MTMR7: variants seen among roughly 807,000 people sequenced by gnomAD.
The protein encoded by MTMR7 is phosphatidylinositol-3-phosphate phosphatase MTMR7.
In MTMR7, 76 loss-of-function variants were observed where a neutral mutation model predicts 81.2. The observed-to-expected ratio is 0.94, with a 90% CI of 0.78 to 1.13. MTMR7 has a LOEUF of 1.13. MTMR7 is among the 50% of genes most tolerant of loss of function. The probability of loss-of-function intolerance (pLI) is 0.00; values close to 1 mark genes in which losing one functional copy is unlikely to be tolerated. For missense variants in MTMR7, 1,044 were observed against 820.0 expected, an observed-to-expected ratio of 1.27 and a Z score of -3.34; for synonymous variants, 372 against 289.8, an observed-to-expected ratio of 1.28 and a Z score of -2.88.
chr8:17,354,903 G>T (rs772486014), intron 4 of MTMR7, among the ~76,000 whole-genome samples: 5 of 152,130 alleles, frequency 3.3e-5, no homozygotes, highest in Non-Finnish European at 7.4e-5. Flanking sequence ...TGCAAAATCA[G>T]AAAATCCCCT....
At chr8:17,370,153 T>G (rs1258478817) in intron 3 of MTMR7, among the ~76,000 whole-genome samples, 2 of 150,406 alleles carry the variant, frequency 1.3e-5, no homozygotes, top group African/African-American at 4.9e-5. Context: ...TCCAGGAGAA[T>G]CAGCAGATCC....
intron 6 of MTMR7, among the ~76,000 whole-genome samples, chr8:17,337,345 C>T (rs558184546): frequency 1.6e-3 from 205 of 124,430 alleles, no homozygotes; most frequent in Non-Finnish European, 2.4e-3. Context: ...AGCCTGGGGG[C>T]GAGTAAAACT....
intron 7 of MTMR7, among the ~76,000 whole-genome samples, chr8:17,314,325 G>T (rs1422099879): frequency 6.6e-6 from 1 of 152,044 alleles, no homozygotes; most frequent in Non-Finnish European, 1.5e-5. Context: ...CACACATAGG[G>T]AAAAGGGAGC....
chr8:17,399,120 T>C (rs546708720), intron 1 of MTMR7, among the ~76,000 whole-genome samples: 9 of 151,142 alleles, frequency 6.0e-5, no homozygotes, highest in Admixed American at 3.3e-4. Flanking sequence ...GTACTAGAAG[T>C]CCAAGCTAGA....
chr8:17,384,853 T>C (rs561524996), intron 1 of MTMR7, among the ~76,000 whole-genome samples: 6 of 152,232 alleles, frequency 3.9e-5, no homozygotes, highest in Admixed American at 2.0e-4. Context: ...TAAAAAACCA[T>C]TGAAAGTCTT....
chr8:17,346,884 TAAAAAAAAAAAA>T lies in MTMR7; in HGVS notation c.597+2057_597+2068del, dbSNP rs55910829. On this transcript the variant is annotated intron_variant, in intron 5 of 13. Coordinates refer to ENST00000180173, the MANE Select transcript of MTMR7 (RefSeq NM_004686.5). The stretch of plus-strand genomic sequence containing the variant: ...CCTATCTCTATTTATCCTATCTTAA[TAAAAAAAAAAAA>T]AAAAAAAAAAAAAAGAGGCAAGGGG... Among the ~76,000 whole-genome samples, 2 of 65,040 alleles carry T rather than the reference TAAAAAAAAAAAA, an allele frequency of 3.1e-5. 1 individual carries two copies. The highest frequency in any genetic ancestry group is 1.1e-4 in the African/African-American group (2 of 18,122). 42.7% of individuals were successfully genotyped at this position (65,040 alleles called of 152,430 possible).
At chr8:17,342,085 A>C (rs1401434744) in intron 5 of MTMR7, among the ~76,000 whole-genome samples, 1 of 152,168 alleles carries the variant, frequency 6.6e-6, no homozygotes, top group Non-Finnish European at 1.5e-5. Flanking sequence ...ACTTAGAACA[A>C]GGGGGATTTT....
At chr8:17,400,821 C>CT (rs906239226) in intron 1 of MTMR7, among the ~76,000 whole-genome samples, 5 of 152,096 alleles carry the variant, frequency 3.3e-5, no homozygotes, top group African/African-American at 4.8e-5. Flanking sequence ...GGCAGTATTT[C>CT]TTTTTTAAGT....
intron 1 of MTMR7, among the ~76,000 whole-genome samples, chr8:17,400,259 A>T (rs1330442920): frequency 6.6e-6 from 1 of 152,212 alleles, no homozygotes; most frequent in Non-Finnish European, 1.5e-5. Context: ...CTAGATTCAC[A>T]TTTATTAAGA....
Position 17,326,097 on chromosome 8 carries a change from C to A in MTMR7, c.865+5053G>T, listed in dbSNP as rs191391300. Reference sequence around the variant, plus strand: ...GTTTACGCAGAGACTCAATCAAGAACCCAAACCTAGGACTTCACACACTGA... The same window carrying A: ...GTTTACGCAGAGACTCAATCAAGAAACCAAACCTAGGACTTCACACACTGA... On this transcript the variant is annotated intron_variant, in intron 7 of 13. Transcript: ENST00000180173. Among the ~76,000 whole-genome samples, 98 of 152,252 alleles carry A rather than the reference C, an allele frequency of 6.4e-4. 1 individual carries two copies. Among genetic ancestry groups the A allele is most frequent in the Admixed American group, 4.8e-3 (74 of 15,284 alleles).
chr8:17,308,589 T>G (rs1320241685), intron 10 of MTMR7, among the ~76,000 whole-genome samples: 1 of 152,162 alleles, frequency 6.6e-6, no homozygotes, highest in Non-Finnish European at 1.5e-5. Context: ...AAATTTAAAT[T>G]TTATCACCAA....
At chr8:17,379,014 T>A (rs897081938) in intron 1 of MTMR7, among the ~76,000 whole-genome samples, 2 of 152,004 alleles carry the variant, frequency 1.3e-5, no homozygotes, top group African/African-American at 4.8e-5. Flanking sequence ...AGAAGAGGAA[T>A]CAGAAAAGCA....
chr8:17,401,812 A>T (rs1821437073), intron 1 of MTMR7, among the ~76,000 whole-genome samples: 1 of 152,138 alleles, frequency 6.6e-6, no homozygotes, highest in Non-Finnish European at 1.5e-5. Context: ...GACGAGAGGG[A>T]ATCAGCTCAG....
intron 7 of MTMR7, among the ~76,000 whole-genome samples, chr8:17,314,494 T>A (rs1817960833): frequency 6.6e-6 from 1 of 152,180 alleles, no homozygotes. Context: ...GTGAACTCTT[T>A]GAAAGCACTG....
rs1038573066 is a variant in MTMR7, at chr8:17,297,284, G to C, written c.*2578C>G. The C allele has an allele frequency of 1.3e-5, 2 of 151,900 alleles. No homozygotes were observed. Among genetic ancestry groups the C allele is most frequent in the African/African-American group, 4.8e-5 (2 of 41,388 alleles). The allele number at this position is 151,900 out of a possible 1,614,324, so 9.4% of individuals were successfully genotyped here. On this transcript the variant is annotated 3_prime_UTR_variant, in exon 14 of 14. Transcript: ENST00000180173. ...AAGAAAATTCTAAATCAATCAATCA[G>C]TGAGATATAAACTAAACAGACCCAC...
intron 1 of MTMR7, among the ~76,000 whole-genome samples, chr8:17,404,598 T>C (rs550001986): frequency 3.3e-5 from 5 of 152,226 alleles, no homozygotes; most frequent in African/African-American, 4.8e-5. Flanking sequence ...TCATCTACAA[T>C]TCTCAAGAAT....
At chr8:17,353,165 C>A (rs189767018) in intron 4 of MTMR7, among the ~76,000 whole-genome samples, 1 of 152,156 alleles carries the variant, frequency 6.6e-6, no homozygotes, top group South Asian at 2.1e-4. Flanking sequence ...ACCTTGAGGA[C>A]ATTAAATGAC....
chr8:17,304,075 T>G (rs533368588), intron 12 of MTMR7, among the ~76,000 whole-genome samples: 2 of 152,344 alleles, frequency 1.3e-5, no homozygotes, highest in East Asian at 3.9e-4. Context: ...ACATTTGACT[T>G]AAGGCATTTG....
intron 6 of MTMR7, among the ~76,000 whole-genome samples, 173 bp from the exon 7 acceptor site, chr8:17,331,455 C>G (rs1294301671): frequency 6.6e-6 from 1 of 152,186 alleles, no homozygotes; most frequent in African/African-American, 2.4e-5. Context: ...TTCAGGGACT[C>G]CTGCTGAGCT....
Sources: allele counts gnomAD v4.1 joint callset (sites outside exome capture counted in the v4.1 genomes callset), GRCh38; gene constraint gnomAD v4.1.1; transcripts MANE v1.5; gene names NCBI Gene and HGNC (gene_info 2026-07-23, HGNC 2026-07-21).